TTC39C: variants seen among roughly 807,000 people sequenced by gnomAD.
TTC39C encodes the protein tetratricopeptide repeat protein 39C.
In TTC39C, 33 loss-of-function variants were observed where a neutral mutation model predicts 76.3. That is an observed-to-expected ratio of 0.43 (90% CI 0.33 to 0.58). The LOEUF (loss-of-function observed/expected upper bound fraction) is 0.58, where lower values mean the gene tolerates loss of function less well. Ranked by LOEUF, TTC39C falls within the 20% of genes least tolerant of loss-of-function variation. The probability of loss-of-function intolerance (pLI) is 0.04; values close to 1 mark genes in which losing one functional copy is unlikely to be tolerated. For synonymous variants in TTC39C, 254 were observed against 260.6 expected, an observed-to-expected ratio of 0.97 and a Z score of 0.24; for missense variants, 595 against 701.4, an observed-to-expected ratio of 0.85 and a Z score of 1.71.
chr18:24,052,200 T>C (rs1247511958), intron 1 of TTC39C, among the ~76,000 whole-genome samples: 1 of 152,180 alleles, frequency 6.6e-6, no homozygotes, highest in Non-Finnish European at 1.5e-5. Context: ...TGACAAGGGA[T>C]GATGACGTGA....
Position 24,122,500 on chromosome 18 carries a change from C to CAAAAAAAAAAAAAAAAA in TTC39C, c.1187-1330_1187-1314dup, listed in dbSNP as rs36002596. 5.9e-5 allele frequency among the ~76,000 whole-genome samples: 3 copies of CAAAAAAAAAAAAAAAAA among 51,040 alleles called. 1 individual carries two copies. The highest frequency in any genetic ancestry group is 2.0e-4 in the African/African-American group (2 of 10,084). The allele number at this position is 51,040 out of a possible 152,430, so 33.5% of individuals were successfully genotyped here. On this transcript the variant is annotated intron_variant, in intron 8 of 13. Coordinates refer to ENST00000317571, the MANE Select transcript of TTC39C (RefSeq NM_001135993.2). Reference sequence around the variant, plus strand: ...CTGGTGACAGAGCAAGACTCCATCTCAAAAAAAAAAAAAAAAAAAAGAAGA... The same window carrying CAAAAAAAAAAAAAAAAA: ...CTGGTGACAGAGCAAGACTCCATCTCAAAAAAAAAAAAAAAAAAAAAAAAAAAAAAAAAAAAAGAAGA...
chr18:23,995,154 T>C (rs1266487350), intron 1 of TTC39C, among the ~76,000 whole-genome samples: 1 of 152,176 alleles, frequency 6.6e-6, no homozygotes, highest in Non-Finnish European at 1.5e-5. Context: ...CCGATAATTT[T>C]GTCATTTCAA....
chr18:24,065,713 G>A (rs1474840644), intron 2 of TTC39C, among the ~76,000 whole-genome samples: 1 of 152,182 alleles, frequency 6.6e-6, no homozygotes, highest in Non-Finnish European at 1.5e-5. Flanking sequence ...AGACCAGTCA[G>A]AAATCATAGA....
At chr18:24,129,829 A>C (rs1477713754) in intron 11 of TTC39C, among the ~76,000 whole-genome samples, 1 of 152,046 alleles carries the variant, frequency 6.6e-6, no homozygotes, top group Admixed American at 6.6e-5. Flanking sequence ...CTTGGCTTTT[A>C]AATCCTAGAT....
intron 6 of TTC39C, among the ~76,000 whole-genome samples, chr18:24,105,158 A>G (rs1324610055): frequency 2.6e-5 from 4 of 152,218 alleles, no homozygotes; most frequent in Non-Finnish European, 5.9e-5. Context: ...GGATAAATAA[A>G]TAAAAGCACA....
At chr18:24,121,661 A>G (rs1450427529) in intron 8 of TTC39C, among the ~76,000 whole-genome samples, 1 of 152,024 alleles carries the variant, frequency 6.6e-6, no homozygotes, top group Admixed American at 6.6e-5. Flanking sequence ...GATGTTATAG[A>G]CCTTTGGGGT....
chr18:24,030,648 C>CTTT (rs1167104790), intron 1 of TTC39C, among the ~76,000 whole-genome samples: 2,056 of 89,010 alleles, frequency 0.023, 234 homozygotes, highest in East Asian at 0.072. Flanking sequence ...AAAGATAGGC[C>CTTT]TTTTTTTTTT....
intron 1 of TTC39C, among the ~76,000 whole-genome samples, chr18:24,003,419 G>C (rs2083328562): frequency 6.6e-6 from 1 of 152,146 alleles, no homozygotes; most frequent in Admixed American, 6.5e-5. Flanking sequence ...TCAGGTTCAG[G>C]GGTTGTATTT....
chr18:24,055,097 G>A (rs2083998894), intron 1 of TTC39C, among the ~76,000 whole-genome samples: 1 of 152,056 alleles, frequency 6.6e-6, no homozygotes, highest in Admixed American at 6.6e-5. Context: ...AAGGCTGAAT[G>A]GTATTCCACT....
chr18:24,058,725 A>G (rs963136723), intron 1 of TTC39C, among the ~76,000 whole-genome samples: 1 of 152,206 alleles, frequency 6.6e-6, no homozygotes, highest in African/African-American at 2.4e-5. Context: ...GCATACGTTT[A>G]GATTTAATAG....
chr18:24,113,082 A>G (rs2084836639), intron 6 of TTC39C, among the ~76,000 whole-genome samples: 1 of 152,152 alleles, frequency 6.6e-6, no homozygotes, highest in East Asian at 1.9e-4. Context: ...ACGTTAAGTT[A>G]CTGAGAACAG....
chr18:24,021,327 C>A (rs1222039918), intron 1 of TTC39C, among the ~76,000 whole-genome samples: 1 of 152,132 alleles, frequency 6.6e-6, no homozygotes, highest in Non-Finnish European at 1.5e-5. Context: ...TTCGCGAGGC[C>A]GCTGCTCATT....
intron 6 of TTC39C, chr18:24,114,258 A>G: frequency 6.6e-6 from 2 of 303,942 alleles, no homozygotes; most frequent in Non-Finnish European, 1.2e-5. Context: ...GTGAAGGAGA[A>G]GGTGGGTGTG....
chr18:23,998,211 G>A lies in TTC39C; in HGVS notation c.-17+5173G>A, dbSNP rs890520473. 3.3e-5 allele frequency among the ~76,000 whole-genome samples: 5 copies of A among 152,308 alleles called. No individual in the cohort carries two copies. In the East Asian group the frequency reaches 9.6e-4, roughly 29 times the overall value. The stretch of plus-strand genomic sequence containing the variant: ...CCTGGTCATTTGCCCAATATCATAG[G>A]ACTAGCAGATGTCAGGCTGTTTTTC... On this transcript the variant is annotated intron_variant, in intron 1 of 13. Transcript: ENST00000304621.
upstream of TTC39C, among the ~76,000 whole-genome samples, chr18:24,014,248 TCA>T (rs1161346995): frequency 6.6e-6 from 1 of 152,032 alleles, no homozygotes; most frequent in Non-Finnish European, 1.5e-5. Context: ...TCGTGGAGTT[TCA>T]GTTACTCGTG....
chr18:24,126,643 AT>A (rs56130136), intron 10 of TTC39C, among the ~76,000 whole-genome samples: 459 of 143,112 alleles, frequency 3.2e-3, no homozygotes, highest in Admixed American at 3.8e-3. Flanking sequence ...GTTCTTTTTA[AT>A]TTTTTTTTTT....
At chr18:24,037,119 G>T (rs976855173) in intron 1 of TTC39C, among the ~76,000 whole-genome samples, 4 of 152,130 alleles carry the variant, frequency 2.6e-5, no homozygotes, top group African/African-American at 9.7e-5. Flanking sequence ...GATCTTAGAG[G>T]AAAAGCTTTT....
chr18:24,101,305 TAA>T (rs35978012), intron 6 of TTC39C, among the ~76,000 whole-genome samples: 5 of 139,462 alleles, frequency 3.6e-5, no homozygotes, highest in Admixed American at 7.1e-5. Context: ...TAATTTTTCA[TAA>T]AAAAAAAAAA....
intron 1 of TTC39C, among the ~76,000 whole-genome samples, chr18:24,026,683 C>T (rs950877977): frequency 2.0e-5 from 3 of 152,110 alleles, no homozygotes; most frequent in African/African-American, 4.8e-5. Flanking sequence ...CGAGTCTGAG[C>T]GTGGTGTGCC....
Sources: gnomAD v4.1 joint callset for allele counts (sites outside exome capture counted in the v4.1 genomes callset) on GRCh38, gnomAD v4.1.1 for gene constraint, MANE v1.5 for transcripts, NCBI Gene and HGNC (gene_info 2026-07-23, HGNC 2026-07-21) for gene names.